Variants in MCF2L observed in about 807,000 individuals in gnomAD.
The protein encoded by MCF2L is guanine nucleotide exchange factor DBS.
In MCF2L, 97 loss-of-function variants were observed where a neutral mutation model predicts 153.4. The observed-to-expected ratio is 0.63, with a 90% CI of 0.54 to 0.75. The LOEUF is 0.75. Among genes scored for constraint, MCF2L ranks in the 30% least tolerant of loss-of-function variants. The pLI is 0.00. For missense variants in MCF2L, 1,347 were observed against 1,495.2 expected, an observed-to-expected ratio of 0.90 and a Z score of 1.64; for synonymous variants, 659 against 632.2, an observed-to-expected ratio of 1.04 and a Z score of -0.64.
In MCF2L at chr13:112,943,120, T is replaced by C. The variant is rs975894321; in HGVS notation, c.169+40749T>C. Among the ~76,000 whole-genome samples, 4 of 152,214 alleles carry C rather than the reference T, an allele frequency of 2.6e-5. No individual in the cohort carries two copies. The highest frequency in any genetic ancestry group is 4.4e-5 in the Non-Finnish European group (3 of 68,030). On this transcript the variant is annotated intron_variant, in intron 2 of 29. Coordinates refer to the MCF2L transcript ENST00000375608. This position sits in a 1 kb window ranked among gnomAD's most constrained non-coding sequence, Gnocchi z 4.2. ...CTGGTAAACTTTGAGGTGAAGGCTG[T>C]CAGAAACAGCTGCGAGGAGCATCCA...
At chr13:112,992,613 C>A (rs2082938278) in intron 1 of MCF2L, among the ~76,000 whole-genome samples, 1 of 152,212 alleles carries the variant, frequency 6.6e-6, no homozygotes, top group Non-Finnish European at 1.5e-5. Flanking sequence ...GAGTTTGAAG[C>A]AGTGAGCTGG....
chr13:112,899,278 G>A (rs2081098085), intron 1 of MCF2L, among the ~76,000 whole-genome samples: 1 of 152,220 alleles, frequency 6.6e-6, no homozygotes, highest in South Asian at 2.1e-4. Flanking sequence ...AAAGCCCAGG[G>A]GGCCTGGCTC....
intron 3 of MCF2L, chr13:113,044,165 T>C: frequency 5.1e-6 from 1 of 195,014 alleles, no homozygotes; most frequent in Non-Finnish European, 1.1e-5. Flanking sequence ...AAGCTAGTGT[T>C]TATTCGTGTA....
intron 1 of MCF2L, among the ~76,000 whole-genome samples, chr13:112,975,653 C>G (rs975313159): frequency 2.6e-5 from 4 of 152,196 alleles, no homozygotes; most frequent in African/African-American, 9.7e-5. Flanking sequence ...TGGTCATCCT[C>G]AGGGAGCCGC....
intron 2 of MCF2L, among the ~76,000 whole-genome samples, chr13:112,963,537 C>T (rs537014387): frequency 5.8e-4 from 88 of 152,310 alleles, no homozygotes; most frequent in African/African-American, 2.0e-3. Context: ...CAGGGCCACT[C>T]ACCTCCCTGC....
intron 2 of MCF2L, among the ~76,000 whole-genome samples, chr13:112,946,010 C>G (rs893965007): frequency 1.3e-5 from 2 of 152,036 alleles, no homozygotes; most frequent in Admixed American, 1.3e-4. Flanking sequence ...CTCATCAGCA[C>G]GCCAGCCCGG....
chr13:112,976,653 AG>A (rs2082224701), intron 1 of MCF2L, among the ~76,000 whole-genome samples: 1 of 152,188 alleles, frequency 6.6e-6, no homozygotes, highest in Non-Finnish European at 1.5e-5. Flanking sequence ...CATTCACCAA[AG>A]GTGCCTCCAC....
chr13:112,908,256 G>A (rs1404710999), intron 2 of MCF2L, among the ~76,000 whole-genome samples: 2 of 152,166 alleles, frequency 1.3e-5, no homozygotes, highest in African/African-American at 2.4e-5. Context: ...GTGTTAGGGG[G>A]ATGGGGTGGA....
At chr13:112,899,768 G>C (rs931973268) in intron 1 of MCF2L, among the ~76,000 whole-genome samples, 1 of 152,226 alleles carries the variant, frequency 6.6e-6, no homozygotes, top group African/African-American at 2.4e-5. Flanking sequence ...CCTGTGGACG[G>C]AGGGATCGCT....
Position 113,045,287 on chromosome 13 carries a change from A to G in MCF2L, c.295A>G (p.Ile99Val). Reference protein sequence around the residue: ...TSIPSLQDAGIGFILVIDRRR... With the variant: ...TSIPSLQDAGVGFILVIDRRR... Reference sequence around the variant, plus strand: ...TCACTGCAGCCTGCAGGACGCTGGCATCGGATTCATCCTGGTGATAGACCG... The same window carrying G: ...TCACTGCAGCCTGCAGGACGCTGGCGTCGGATTCATCCTGGTGATAGACCG... The change falls in exon 4 of 30, where the codon ATC (isoleucine) becomes GTC (valine). Residue 99 changes from isoleucine (I) to valine (V), a missense_variant. Physicochemically the swap from Ile to Val is conservative, Grantham distance 29. Coordinates refer to ENST00000535094, the MANE Select transcript of MCF2L (RefSeq NM_001112732.3). The surrounding 1 kb of genome is among the most constrained non-coding windows in gnomAD (Gnocchi z 4.2). The G allele has an allele frequency of 4.3e-6, 7 of 1,614,000 alleles. No individual in the cohort carries two copies. Among genetic ancestry groups the G allele is most frequent in the East Asian group, 4.5e-5 (2 of 44,880 alleles).
chr13:113,014,699 TG>T, intron 1 of MCF2L, 63 bp from the exon 2 acceptor site: 1 of 1,401,378 alleles, frequency 7.1e-7, no homozygotes, highest in Non-Finnish European at 1.0e-6. Flanking sequence ...TGGGATCGGG[TG>T]GGCGCTTGCA....
chr13:112,895,357 C>T (rs187805219), intron 1 of MCF2L, among the ~76,000 whole-genome samples: 3,142 of 152,210 alleles, frequency 0.021, 94 homozygotes, highest in African/African-American at 0.065. Flanking sequence ...TGTAGGAGGC[C>T]CCAGGATGTG....
intron 1 of MCF2L, among the ~76,000 whole-genome samples, chr13:112,898,568 C>T (rs979386907): frequency 6.6e-6 from 1 of 152,168 alleles, no homozygotes; most frequent in Admixed American, 6.5e-5. Context: ...CATGCAGGCC[C>T]TGCTCCTCCT....
chr13:113,082,563 C>T (rs565934610), intron 17 of MCF2L, 21 bp downstream of exon 17: 4 of 1,494,222 alleles, frequency 2.7e-6, no homozygotes, highest in Middle Eastern at 1.7e-4. Flanking sequence ...CCCCCCGACA[C>T]AGGCACGCAC....
chr13:112,975,591 T>C (rs1015387665), intron 1 of MCF2L, among the ~76,000 whole-genome samples: 39 of 152,054 alleles, frequency 2.6e-4, no homozygotes, highest in African/African-American at 9.4e-4. Flanking sequence ...ACATGGTCAG[T>C]GCCGGCGGGT....
At chr13:112,990,507 A>G (rs1292852978) in intron 1 of MCF2L, among the ~76,000 whole-genome samples, 1 of 152,226 alleles carries the variant, frequency 6.6e-6, no homozygotes, top group Non-Finnish European at 1.5e-5. Flanking sequence ...TGGCTGGCAG[A>G]GACCCTCGCA....
rs1217376147 is a variant in MCF2L, at chr13:112,969,834, C to T, written c.79+376C>T. ...GCTTTCAGAGCTTGGGGTTTCAGAG[C>T]CAGGGGTAGGGATGGTGAAGCTACC... is the stretch of plus-strand genomic sequence containing the variant. On this transcript the variant is annotated intron_variant, in intron 1 of 29. Coordinates refer to ENST00000535094, the MANE Select transcript of MCF2L (RefSeq NM_001112732.3). This position sits in a 1 kb window ranked among gnomAD's most constrained non-coding sequence, Gnocchi z 4.8. 1.3e-5 allele frequency among the ~76,000 whole-genome samples: 2 copies of T among 152,038 alleles called. No individual in the cohort carries two copies. The highest frequency in any genetic ancestry group is 2.9e-5 in the Non-Finnish European group (2 of 68,018).
chr13:113,019,287 T>C (rs992791898), intron 2 of MCF2L, among the ~76,000 whole-genome samples: 1 of 152,110 alleles, frequency 6.6e-6, no homozygotes, highest in African/African-American at 2.4e-5. Context: ...GACCCCGGAG[T>C]CTCCCTGGCA....
chr13:112,944,494 A>G (rs1339806662), intron 2 of MCF2L, among the ~76,000 whole-genome samples: 2 of 151,406 alleles, frequency 1.3e-5, no homozygotes, highest in Admixed American at 6.6e-5. Flanking sequence ...TATGCGTTCC[A>G]GGAATGCTAT....
Sources: allele counts gnomAD v4.1 joint callset (sites outside exome capture counted in the v4.1 genomes callset), GRCh38; gene constraint gnomAD v4.1.1; non-coding constraint Gnocchi (gnomAD v3.1); transcripts MANE v1.5; gene names NCBI Gene and HGNC (gene_info 2026-07-23, HGNC 2026-07-21).